The following ERAP1 variants were observed in gnomAD, a reference collection of about 807,000 sequenced individuals.
The protein encoded by ERAP1 is endoplasmic reticulum aminopeptidase 1, also known as adipocyte-derived leucine aminopeptidase.
A neutral mutation model predicts 103.7 loss-of-function variants in ERAP1; 86 were observed. The ratio of observed to expected loss-of-function variants is 0.83; its 90% CI spans 0.70 to 0.99. The LOEUF is 0.99. Ranked by LOEUF, ERAP1 falls within the 50% of genes least tolerant of loss-of-function variation. ERAP1 has a pLI of 0.00. For missense variants in ERAP1, 1,009 were observed against 1,128.4 expected, an observed-to-expected ratio of 0.89 and a Z score of 1.52; for synonymous variants, 398 against 402.4, an observed-to-expected ratio of 0.99 and a Z score of 0.13.
chr5:96,801,393 G>A (rs903483657), intron 2 of ERAP1, among the ~76,000 whole-genome samples: 1 of 151,874 alleles, frequency 6.6e-6, no homozygotes, highest in Non-Finnish European at 1.5e-5. Flanking sequence ...AGGAGGCAGA[G>A]GTTTCAGTGA....
upstream of ERAP1, among the ~76,000 whole-genome samples, chr5:96,809,903 TTA>T (rs1290968712): frequency 6.6e-6 from 1 of 152,212 alleles, no homozygotes; most frequent in Non-Finnish European, 1.5e-5. Flanking sequence ...TGTTTTTTGT[TTA>T]TGTGTCTTTT....
chr5:96,810,364 T>C (rs1326935528), upstream of ERAP1, among the ~76,000 whole-genome samples: 1 of 152,232 alleles, frequency 6.6e-6, no homozygotes, highest in African/African-American at 2.4e-5. Context: ...CCTAGGTTTA[T>C]TGATTCCCTA....
At chr5:96,767,500 A>G (rs1318646492) in intron 19 of ERAP1, 1 of 1,606,270 alleles carries the variant, frequency 6.2e-7, no homozygotes, top group Non-Finnish European at 8.5e-7. Context: ...CCATAGGAAC[A>G]TATTTCCATT....
the ERAP1 span, among the ~76,000 whole-genome samples, chr5:96,932,114 A>G: frequency 6.6e-6 from 1 of 152,194 alleles, no homozygotes; most frequent in Non-Finnish European, 1.5e-5. Context: ...TGCTCTAAAC[A>G]TTTCTTGATT....
At chr5:96,768,138 C>A in intron 19 of ERAP1, 1 of 686,542 alleles carries the variant, frequency 1.5e-6, no homozygotes. Context: ...GGCTGGAGTG[C>A]AGTGGTGTGA....
the ERAP1 span, among the ~76,000 whole-genome samples, chr5:96,927,796 T>C: frequency 1.3e-5 from 2 of 152,372 alleles, no homozygotes; most frequent in East Asian, 3.9e-4. Flanking sequence ...ATTATTTATC[T>C]TTTATCATTA....
At chr5:96,825,971 T>G in the ERAP1 span, among the ~76,000 whole-genome samples, 1 of 152,224 alleles carries the variant, frequency 6.6e-6, no homozygotes, top group African/African-American at 2.4e-5. Flanking sequence ...GCACCAAGCA[T>G]AGTATGTGGT....
At chr5:96,806,079 C>T (rs1778561454) in intron 1 of ERAP1, 1 of 152,162 alleles carries the variant, frequency 6.6e-6, no homozygotes, top group Admixed American at 6.5e-5. Flanking sequence ...AAGGGCTTCA[C>T]TAATAAATTC....
chr5:96,886,537 G>T, the ERAP1 span: 2 of 758,944 alleles, frequency 2.6e-6, no homozygotes, highest in Middle Eastern at 4.3e-4. Flanking sequence ...CCCCTAGGAG[G>T]TCATCGATTG....
At chr5:96,892,462 C>A in the ERAP1 span, 2 of 1,613,324 alleles carry the variant, frequency 1.2e-6, no homozygotes, top group Non-Finnish European at 1.7e-6. Flanking sequence ...AGGTACTTGG[C>A]ACTCATGACA....
At position 96,803,404 on chromosome 5, in the gene ERAP1, T is replaced by A. The variant is rs141992697; in HGVS notation, c.523A>T (p.Arg175Trp). 1.7e-4 allele frequency: 276 copies of A among 1,613,006 alleles called. No homozygotes were observed. In the Middle Eastern group the frequency reaches 1.8e-3, roughly 11 times the overall value. ...AAAGAAAAAGAGAAAAAAAAATACC[T>A]CAGTTCCCCTTCCTTGGTTCTGTAG... is the stretch of plus-strand genomic sequence containing the variant. ...STYRTKEGELRILASTQFEPT... is the reference protein window; with the variant it reads ...STYRTKEGELWILASTQFEPT... Residue 175 changes from arginine (R) to tryptophan (W), a missense_variant and splice_region_variant, in exon 2 of 19, where the codon AGG becomes TGG. Around this residue, in one of 3 missense-constraint regions of ERAP1, gnomAD observed 392 missense variants for 455.2 expected, o/e 0.86. Coordinates refer to ENST00000443439, the MANE Select transcript of ERAP1 (RefSeq NM_001040458.3).
chr5:96,903,850 C>A, the ERAP1 span, among the ~76,000 whole-genome samples: 1 of 152,148 alleles, frequency 6.6e-6, no homozygotes, highest in African/African-American at 2.4e-5. Context: ...ATCCTGTGGG[C>A]CACAGGATAG....
At chr5:96,921,939 G>C in the ERAP1 span, among the ~76,000 whole-genome samples, 1 of 152,216 alleles carries the variant, frequency 6.6e-6, no homozygotes, top group Admixed American at 6.5e-5. Flanking sequence ...TAAATTGTCT[G>C]TGAAAATACT....
the ERAP1 span, among the ~76,000 whole-genome samples, chr5:96,874,180 A>AAGAGAAAG: frequency 2.4e-5 from 2 of 82,250 alleles, no homozygotes; most frequent in Admixed American, 1.2e-4. Flanking sequence ...GAAAGAAAGA[A>AAGAGAAAG]AGAGAGAGAG....
the ERAP1 span, among the ~76,000 whole-genome samples, chr5:96,927,012 T>A: frequency 6.6e-6 from 1 of 152,206 alleles, no homozygotes; most frequent in Non-Finnish European, 1.5e-5. Flanking sequence ...AGACGGGGTT[T>A]CACCAGGTTG....
At chr5:96,807,540 G>A (rs1778773280) in intron 1 of ERAP1, among the ~76,000 whole-genome samples, 1 of 152,186 alleles carries the variant, frequency 6.6e-6, no homozygotes, top group Non-Finnish European at 1.5e-5. Context: ...CGTGAAGCAG[G>A]CGCACCGGCC....
At chr5:96,914,677 G>A in the ERAP1 span, among the ~76,000 whole-genome samples, 2 of 152,120 alleles carry the variant, frequency 1.3e-5, no homozygotes, top group African/African-American at 4.8e-5. Flanking sequence ...TTATCAACAT[G>A]AATCACTTTG....
the ERAP1 span, among the ~76,000 whole-genome samples, chr5:96,864,206 C>T: frequency 6.6e-6 from 1 of 152,194 alleles, no homozygotes; most frequent in Non-Finnish European, 1.5e-5. Flanking sequence ...AATGTTACCA[C>T]TTTCCTTGTA....
chr5:96,867,423 G>T, the ERAP1 span, among the ~76,000 whole-genome samples: 1 of 152,190 alleles, frequency 6.6e-6, no homozygotes, highest in Non-Finnish European at 1.5e-5. Context: ...TATAGGTCAA[G>T]AATTTAGACA....
Sources: allele counts gnomAD v4.1 joint callset (sites outside exome capture counted in the v4.1 genomes callset), GRCh38; gene constraint gnomAD v4.1.1; regional missense constraint gnomAD v4.1.1; transcripts MANE v1.5; gene names NCBI Gene and HGNC (gene_info 2026-07-23, HGNC 2026-07-21).